Variants in USH2A observed in about 807,000 individuals in gnomAD.
USH2A encodes the protein Usher syndrome 2A (autosomal recessive, mild).
Under a neutral mutation model 538.9 loss-of-function variants are expected in USH2A, and 443 were observed. That is an observed-to-expected ratio of 0.82 (90% CI 0.76 to 0.89). USH2A has a LOEUF of 0.89. USH2A is among the 40% of genes least tolerant of loss of function. The probability of loss-of-function intolerance (pLI) is 0.00; values close to 1 mark genes in which losing one functional copy is unlikely to be tolerated. For synonymous variants in USH2A, 2,413 were observed against 2,273.5 expected (o/e 1.06, Z -1.75); for missense variants, 6,633 against 6,324.8 (o/e 1.05, Z -1.65).
At chr1:216,421,338 C>T (rs1267171593) in intron 2 of USH2A, among the ~76,000 whole-genome samples, 2 of 152,034 alleles carry the variant, frequency 1.3e-5, no homozygotes, top group African/African-American at 4.8e-5. Flanking sequence ...TTTATATATT[C>T]AATTTATATT....
intron 13 of USH2A, among the ~76,000 whole-genome samples, chr1:216,240,013 C>CAAAAAAAAAAAAAAAAAAAAAAAAAAA (rs55691066): frequency 8.9e-6 from 1 of 112,282 alleles, no homozygotes; most frequent in Non-Finnish European, 1.8e-5. Context: ...ATGAAATAAA[C>CAAAAAAAAAAAAAAAAAAAAAAAAAAA]AAAAAAAAAA....
intron 5 of USH2A, among the ~76,000 whole-genome samples, chr1:216,326,551 G>T (rs1288337985): frequency 6.6e-6 from 1 of 152,112 alleles, no homozygotes; most frequent in African/African-American, 2.4e-5. Context: ...TATTCCCAAA[G>T]AATTACTACA....
chr1:215,697,043 C>G (rs1658837914), intron 61 of USH2A, among the ~76,000 whole-genome samples: 1 of 152,024 alleles, frequency 6.6e-6, no homozygotes, highest in African/African-American at 2.4e-5. Context: ...GCCTTGACCT[C>G]CTGGGCTCAA....
In USH2A at chr1:216,246,855, A is replaced by G. The variant is rs996106601; in HGVS notation, c.2539T>C (p.Cys847Arg). ...ATTGTCCCAGTCTTATCACAGTTGC[A>G]AGGCAGACAGAGGAAAGAATTATTT... ...RQNNSFLCLPCNCDKTGTING... is the reference protein window; with the variant it reads ...RQNNSFLCLPRNCDKTGTING... The change falls in exon 13 of 72, where the codon TGC becomes CGC. Residue 847 changes from cysteine to arginine, a missense_variant. Physicochemically the swap from Cys to Arg is radical, Grantham distance 180 (BLOSUM62 -3). Transcript: ENST00000307340. The G allele has an allele frequency of 1.2e-6, 2 of 1,614,146 alleles. No individual in the cohort carries two copies. The highest frequency in any genetic ancestry group is 2.7e-5 in the African/African-American group (2 of 75,052).
In USH2A at chr1:216,324,266, C is replaced by T. The variant is rs1571702190; in HGVS notation, c.1230G>A (p.Glu410=). 1 of 1,613,264 alleles carries T rather than the reference C, an allele frequency of 6.2e-7. No individual in the cohort carries two copies. The highest frequency in any genetic ancestry group is 1.1e-5 in the South Asian group (1 of 91,042). Residue 410 remains glutamate (E), a synonymous_variant, in exon 7 of 72, where the codon GAG becomes GAA. Transcript: ENST00000307340. ...AATTCCTGGCAAAATATTGCCAGTC[C>T]TCCCAATCTAAACTATTTTCCTTCT... ...QRKKENSLDW[E]DWQYFARNCG...
chr1:215,962,512 A>G (rs1049595313), intron 37 of USH2A, among the ~76,000 whole-genome samples: 3 of 152,114 alleles, frequency 2.0e-5, no homozygotes, highest in Non-Finnish European at 4.4e-5. Context: ...AATTGCTGTG[A>G]TAATTTCTCT....
At position 215,759,651 on chromosome 1, in the gene USH2A, T is replaced by C; in HGVS notation, c.11231+9A>G. ...GCTGTATGATTGGTAAAGTTTTCTT[T>C]TAGTTTACCTGCTATTGGGCTCCAG... On this transcript the variant is annotated intron_variant, in intron 57 of 71. Transcript: ENST00000307340. 6.2e-7 allele frequency: 1 copy of C among 1,613,892 alleles called. No individual in the cohort carries two copies. The highest frequency in any genetic ancestry group is 8.5e-7 in the Non-Finnish European group (1 of 1,179,804).
In USH2A at chr1:215,941,930, A is replaced by G. The variant is rs538815409; in HGVS notation, c.7121-7135T>C. On this transcript the variant is annotated intron_variant, in intron 37 of 71. Transcript: ENST00000307340. Reference sequence around the variant, plus strand: ...GTGTTCCTGTGTTAGTTACCTATCGATGTGTCATGGTATCACCACGAACTT... The same window carrying G: ...GTGTTCCTGTGTTAGTTACCTATCGGTGTGTCATGGTATCACCACGAACTT... 2.1e-3 allele frequency among the ~76,000 whole-genome samples: 315 copies of G among 152,208 alleles called. 3 individuals carry two copies. The highest frequency in any genetic ancestry group is 7.1e-3 in the African/African-American group (295 of 41,538).
chr1:216,417,049 T>C (rs2039588595), intron 3 of USH2A, among the ~76,000 whole-genome samples: 1 of 152,072 alleles, frequency 6.6e-6, no homozygotes, highest in African/African-American at 2.4e-5. Context: ...ACATGGAGAA[T>C]AAGCATTGAG....
chr1:215,971,351 A>G (rs1667490269), intron 35 of USH2A, among the ~76,000 whole-genome samples: 1 of 152,196 alleles, frequency 6.6e-6, no homozygotes, highest in Admixed American at 6.5e-5. Context: ...GCATCTCTTT[A>G]TATGACCAGG....
At chr1:216,145,620 A>T (rs1250342790) in intron 21 of USH2A, among the ~76,000 whole-genome samples, 1 of 152,232 alleles carries the variant, frequency 6.6e-6, no homozygotes, top group Non-Finnish European at 1.5e-5. Flanking sequence ...TCTGAGCCCA[A>T]GCCAAGCCAT....
rs776286938 is a variant in USH2A at position 216,198,601 on chromosome 1, G to A, written c.3812-17C>T. The A allele has an allele frequency of 6.2e-6, 10 of 1,606,818 alleles. No homozygotes were observed. The African/African-American group carries it at 1.2e-4, about 19-fold the overall frequency. ...TAATTATTCCTAGAGAAATTAAATA[G>A]TGAACCTACGTAACTCATCAGACAA... On this transcript the variant is annotated splice_polypyrimidine_tract_variant and intron_variant, in intron 17 of 71. Transcript: ENST00000307340.
At chr1:216,099,566 C>T (rs905806855) in intron 21 of USH2A, among the ~76,000 whole-genome samples, 14 of 151,992 alleles carry the variant, frequency 9.2e-5, no homozygotes, top group African/African-American at 3.1e-4. Flanking sequence ...AGGGAGGAGA[C>T]GTAACTTAGC....
At chr1:215,670,035 T>C (rs1481623376) in intron 64 of USH2A, among the ~76,000 whole-genome samples, 1 of 152,256 alleles carries the variant, frequency 6.6e-6, no homozygotes, top group Admixed American at 6.5e-5. Context: ...GCACTGATTC[T>C]GACTTAAGCA....
At chr1:215,806,199 G>A (rs1469313217) in intron 49 of USH2A, among the ~76,000 whole-genome samples, 3 of 151,940 alleles carry the variant, frequency 2.0e-5, no homozygotes, top group Non-Finnish European at 2.9e-5. Context: ...ATGTCTCAGC[G>A]GTACACATAT....
At chr1:215,969,931 G>C (rs1667450167) in intron 36 of USH2A, among the ~76,000 whole-genome samples, 1 of 152,104 alleles carries the variant, frequency 6.6e-6, no homozygotes, top group South Asian at 2.1e-4. Flanking sequence ...ATGCACCAAA[G>C]TGTAATGTGA....
rs201238640 is a variant in USH2A at position 215,674,637 on chromosome 1, G to A, written c.13274C>T (p.Thr4425Met). 4.5e-5 allele frequency: 72 copies of A among 1,614,152 alleles called. No individual in the cohort carries two copies. Among genetic ancestry groups the A allele is most frequent in the Middle Eastern group, 3.3e-4 (2 of 6,062 alleles). The change falls in exon 63 of 72, where the codon ACG (threonine) becomes ATG (methionine). Residue 4425 changes from threonine to methionine, a missense_variant. Coordinates refer to ENST00000307340, the MANE Select transcript of USH2A (RefSeq NM_206933.4). The stretch of plus-strand genomic sequence containing the variant: ...CACACTAGCTGTGCAACCTCCATTC[G>A]TGCAGGCTACAAGGGAGAAGTTATA... ...SQYNFSLVAC[T>M]NGGCTASVSK...
At chr1:215,759,126 C>T (rs1033275956) in intron 57 of USH2A, among the ~76,000 whole-genome samples, 7 of 152,080 alleles carry the variant, frequency 4.6e-5, no homozygotes, top group African/African-American at 1.7e-4. Flanking sequence ...ATCTGCTATT[C>T]CTTACAATAA....
At position 215,726,395 on chromosome 1, in the gene USH2A, A is replaced by G. The variant is rs533952532; in HGVS notation, c.12066+1635T>C. Among the ~76,000 whole-genome samples the G allele has an allele frequency of 5.9e-4, 90 of 152,316 alleles. 1 individual carries two copies. Among genetic ancestry groups the G allele is most frequent in the African/African-American group, 2.0e-3 (83 of 41,582 alleles). ...AAACAGATAAAAATGAAGATAAAAC[A>G]ATTATCCTTTCATTTACATATTGCT... is the stretch of plus-strand genomic sequence containing the variant. On this transcript the variant is annotated intron_variant, in intron 61 of 71. Coordinates refer to ENST00000307340, the MANE Select transcript of USH2A (RefSeq NM_206933.4).
Sources: allele counts gnomAD v4.1 joint callset (sites outside exome capture counted in the v4.1 genomes callset), GRCh38; gene constraint gnomAD v4.1.1; transcripts MANE v1.5; gene names NCBI Gene and HGNC (gene_info 2026-07-23, HGNC 2026-07-21).